The following ZNF571 variants were observed in gnomAD, a reference collection of about 807,000 sequenced individuals.
The protein encoded by ZNF571 is zinc finger protein 571.
A neutral mutation model predicts 7.7 loss-of-function variants in ZNF571; 4 were observed. The ratio of observed to expected loss-of-function variants is 0.52; its 90% confidence interval spans 0.25 to 1.18. The LOEUF is 1.18. ZNF571 is among the 50% of genes most tolerant of loss of function. The probability of loss-of-function intolerance (pLI) is 0.14; values close to 1 mark genes in which losing one functional copy is unlikely to be tolerated. For synonymous variants in ZNF571, 251 were observed against 232.4 expected (o/e 1.08, Z -0.73); for missense variants, 704 against 726.9 (o/e 0.97, Z 0.36).
intron 3 of ZNF571, among the ~76,000 whole-genome samples, chr19:37,574,090 G>T (rs1034457466): frequency 1.3e-5 from 2 of 152,066 alleles, no homozygotes; most frequent in Admixed American, 6.6e-5. Context: ...TTCGTACCCT[G>T]AATGATGAAA....
At chr19:37,579,893 C>A (rs2043388991) in intron 3 of ZNF571, among the ~76,000 whole-genome samples, 1 of 152,098 alleles carries the variant, frequency 6.6e-6, no homozygotes, top group Admixed American at 6.5e-5. Flanking sequence ...ATATTTTTGT[C>A]TATCCAAAAG....
At chr19:37,585,412 C>G (rs1346292608) in intron 2 of ZNF571, 1 of 152,184 alleles carries the variant, frequency 6.6e-6, no homozygotes, top group African/African-American at 2.4e-5. Context: ...TGCAGACTAA[C>G]AACTCTGGGA....
intron 3 of ZNF571, among the ~76,000 whole-genome samples, chr19:37,577,125 C>T (rs554475656): frequency 6.6e-6 from 1 of 152,104 alleles, no homozygotes; most frequent in South Asian, 2.1e-4. Context: ...AAATTTAAGG[C>T]GAAAGGAAAA....
Position 37,564,791 on chromosome 19 carries a change from G to A in ZNF571, c.1637C>T (p.Thr546Ile), listed in dbSNP as rs1365676415. 1 of 1,613,624 alleles carries A rather than the reference G, an allele frequency of 6.2e-7. No homozygotes were observed. Among genetic ancestry groups the A allele is most frequent in the Admixed American group, 1.7e-5 (1 of 59,968 alleles). The part of the protein sequence containing the change: ...GKAFIRGSHL[T>I]EHLRTHTGEK... ...TCCAGTATGAGTTCTCAGATGTTCA[G>A]TAAGGTGTGAGCCACGAATAAAAGC... The change falls in exon 4 of 4, where the codon ACT becomes ATT. Residue 546 changes from threonine (T) to isoleucine (I), a missense_variant. Thr to Ile is a moderately conservative substitution (Grantham distance 89). Coordinates refer to ENST00000451802, the MANE Select transcript of ZNF571 (RefSeq NM_016536.5).
At chr19:37,591,295 C>T (rs975238568) in intron 1 of ZNF571, among the ~76,000 whole-genome samples, 1 of 152,074 alleles carries the variant, frequency 6.6e-6, no homozygotes, top group East Asian at 1.9e-4. Flanking sequence ...TGCCAGAAAG[C>T]AAATAAGCTA....
chr19:37,567,960 A>G (rs964530569), intron 3 of ZNF571, among the ~76,000 whole-genome samples: 1 of 152,168 alleles, frequency 6.6e-6, no homozygotes, highest in Non-Finnish European at 1.5e-5. Flanking sequence ...TTACTTTCCA[A>G]TATTTATTAC....
intron 3 of ZNF571, chr19:37,575,509 C>T (rs1301424032): frequency 6.6e-6 from 1 of 152,202 alleles, no homozygotes; most frequent in East Asian, 1.9e-4. Flanking sequence ...TTACCGCCAA[C>T]AGGATTTCTT....
Position 37,564,643 on chromosome 19 carries a change from A to C in ZNF571, c.1785T>G (p.Phe595Leu). ...PYTCVQCGKD[F>L]RCPSQLTQHT... The stretch of plus-strand genomic sequence containing the variant: ...GTTGAGTAAGTTGTGAAGGACATCT[A>C]AAGTCTTTACCACACTGGACACATG... The change falls in exon 4 of 4, where the codon TTT (phenylalanine) becomes TTG (leucine). Residue 595 changes from phenylalanine to leucine, a missense_variant. Coordinates refer to ENST00000451802, the MANE Select transcript of ZNF571 (RefSeq NM_016536.5). 6.3e-7 allele frequency: 1 copy of C among 1,582,210 alleles called. No homozygotes were observed. Among genetic ancestry groups the C allele is most frequent in the Non-Finnish European group, 8.6e-7 (1 of 1,164,300 alleles).
At chr19:37,593,808 G>A (rs1037909161) in intron 1 of ZNF571, among the ~76,000 whole-genome samples, 1 of 152,106 alleles carries the variant, frequency 6.6e-6, no homozygotes, top group Non-Finnish European at 1.5e-5. Context: ...CTAAACTGAT[G>A]ATCCCATCCC....
At position 37,566,136 on chromosome 19, in the gene ZNF571, C is replaced by G. The variant is rs1225130889; in HGVS notation, c.292G>C (p.Gly98Arg). Residue 98 changes from glycine to arginine, a missense_variant, in exon 4 of 4, where the codon GGT (glycine) becomes CGT (arginine). Transcript: ENST00000451802. Reference sequence around the variant, plus strand: ...AGCCCTTCCTGACTTGCTTCTTGACCCTCTAAGTTGCCTTTGCACTCCATA... The same window carrying G: ...AGCCCTTCCTGACTTGCTTCTTGACGCTCTAAGTTGCCTTTGCACTCCATA... ...DNMECKGNLE[G>R]QEASQEGLYM... is the part of the protein sequence containing the mutation. 2 of 1,613,950 alleles carry G rather than the reference C, an allele frequency of 1.2e-6. No homozygotes were observed. The highest frequency in any genetic ancestry group is 8.5e-7 in the Non-Finnish European group (1 of 1,179,904).
At position 37,565,384 on chromosome 19, in the gene ZNF571, G is replaced by A. The variant is rs761272948; in HGVS notation, c.1044C>T (p.Ser348=). 1 of 1,612,152 alleles carries A rather than the reference G, an allele frequency of 6.2e-7. No individual in the cohort carries two copies. Among genetic ancestry groups the A allele is most frequent in the Admixed American group, 1.7e-5 (1 of 59,790 alleles). ...GAATTCTCTGATGTTCATTCAGTTG[G>A]GAGGCACATAAAAAGGCTTTCCCAC... is the stretch of plus-strand genomic sequence containing the variant. ...KECGKAFLCA[S]QLNEHQRIHT... Residue 348 remains serine, a synonymous_variant, in exon 4 of 4, where the codon TCC becomes TCT. Coordinates refer to ENST00000451802, the MANE Select transcript of ZNF571 (RefSeq NM_016536.5).
intron 3 of ZNF571, among the ~76,000 whole-genome samples, chr19:37,579,574 G>A (rs1043356660): frequency 2.6e-5 from 4 of 152,188 alleles, no homozygotes; most frequent in Admixed American, 1.3e-4. Flanking sequence ...ACCTTTCACC[G>A]TATAAAATAA....
chr19:37,567,844 C>A (rs747584940), intron 3 of ZNF571: 2 of 152,202 alleles, frequency 1.3e-5, no homozygotes, highest in African/African-American at 4.8e-5. Context: ...TTCTGCTCCT[C>A]AAGCTCTACA....
intron 2 of ZNF571, among the ~76,000 whole-genome samples, chr19:37,584,836 C>A (rs897286013): frequency 6.6e-6 from 1 of 152,058 alleles, no homozygotes; most frequent in Middle Eastern, 3.4e-3. Flanking sequence ...TGATGGTGGG[C>A]ACCTGTAGTC....
At chr19:37,573,760 G>A (rs578145373) in intron 3 of ZNF571, among the ~76,000 whole-genome samples, 1 of 150,472 alleles carries the variant, frequency 6.6e-6, no homozygotes, top group Admixed American at 6.6e-5. Flanking sequence ...ACTTCAGCCC[G>A]AGTGTGAGGC....
At chr19:37,574,900 TA>T (rs1568349263) in intron 3 of ZNF571, among the ~76,000 whole-genome samples, 1 of 152,220 alleles carries the variant, frequency 6.6e-6, no homozygotes, top group African/African-American at 2.4e-5. Flanking sequence ...TCGGCCTTCA[TA>T]ACTATATAAT....
intron 3 of ZNF571, among the ~76,000 whole-genome samples, chr19:37,570,591 CTG>C: frequency 6.6e-6 from 1 of 152,324 alleles, no homozygotes; most frequent in Non-Finnish European, 1.5e-5. Context: ...CTAATTCAAA[CTG>C]TAATTGTTAC....
At chr19:37,586,113 T>C (rs1475289954) in intron 2 of ZNF571, 1 of 152,644 alleles carries the variant, frequency 6.6e-6, no homozygotes, top group African/African-American at 2.4e-5. Context: ...ATTATATTGA[T>C]TTAAGCCACT....
At chr19:37,583,945 C>A in intron 3 of ZNF571, 26 bp downstream of exon 3, 1 of 1,567,836 alleles carries the variant, frequency 6.4e-7, no homozygotes, top group Non-Finnish European at 8.7e-7. Flanking sequence ...GGAACAAATT[C>A]TGAATATTAC....
Sources: gnomAD v4.1 joint callset for allele counts (sites outside exome capture counted in the v4.1 genomes callset) on GRCh38, gnomAD v4.1.1 for gene constraint, MANE v1.5 for transcripts, NCBI Gene and HGNC (gene_info 2026-07-23, HGNC 2026-07-21) for gene names.